ADARB2: variants seen among roughly 807,000 people sequenced by gnomAD.
ADARB2 encodes inactive double-stranded RNA-specific editase B2.
Under a neutral mutation model 62.2 loss-of-function variants are expected in ADARB2, and 25 were observed. The ratio of observed to expected loss-of-function variants is 0.40; its 90% CI spans 0.29 to 0.56. The LOEUF (loss-of-function observed/expected upper bound fraction) is 0.56, where lower values mean the gene tolerates loss of function less well. ADARB2 is among the 20% of genes least tolerant of loss of function. The pLI is 0.43. For synonymous variants in ADARB2, 572 were observed against 500.8 expected (o/e 1.14, Z -1.90); for missense variants, 1,071 against 1,077.4 (o/e 0.99, Z 0.08).
intron 1 of ADARB2, among the ~76,000 whole-genome samples, chr10:1,449,711 C>T (rs931322284): frequency 2.6e-5 from 4 of 152,234 alleles, no homozygotes; most frequent in Admixed American, 2.0e-4. Context: ...CAGTGAGGCT[C>T]ATCCTCAGGG....
intron 1 of ADARB2, among the ~76,000 whole-genome samples, chr10:1,509,285 A>T (rs904355870): frequency 6.6e-6 from 1 of 152,168 alleles, no homozygotes; most frequent in Non-Finnish European, 1.5e-5. Context: ...CGGAGATGAT[A>T]CCATTACCAA....
At chr10:1,609,347 T>C (rs548595583) in intron 1 of ADARB2, among the ~76,000 whole-genome samples, 3 of 152,208 alleles carry the variant, frequency 2.0e-5, no homozygotes, top group Non-Finnish European at 4.4e-5. Context: ...AGCGGGTTTG[T>C]CTCCCTGATT....
rs144081974 is a variant in ADARB2 at position 1,378,255 on chromosome 10, C to G, written c.187+819G>C. On this transcript the variant is annotated intron_variant, in intron 2 of 9. Coordinates refer to ENST00000381312, the MANE Select transcript of ADARB2 (RefSeq NM_018702.4). ...CTTTCCTAAACCAGCCTGGTGCCAT[C>G]CTGAGGACACTGCTTGGCCCCTTTC... 6.4e-3 allele frequency among the ~76,000 whole-genome samples: 974 copies of G among 152,282 alleles called. 7 individuals carry two copies. Among genetic ancestry groups the G allele is most frequent in the Middle Eastern group, 0.031 (9 of 294 alleles).
intron 1 of ADARB2, among the ~76,000 whole-genome samples, chr10:1,465,505 G>A (rs932884483): frequency 2.0e-5 from 3 of 152,164 alleles, no homozygotes; most frequent in Admixed American, 6.5e-5. Flanking sequence ...CTTGGGGACC[G>A]TGACGACCGC....
chr10:1,278,789 C>A (rs1216263178), intron 3 of ADARB2, among the ~76,000 whole-genome samples: 2 of 152,032 alleles, frequency 1.3e-5, no homozygotes, highest in African/African-American at 4.8e-5. Flanking sequence ...ATGTTTTTTC[C>A]TGCATGATTA....
chr10:1,278,106 A>G (rs1031278477), intron 3 of ADARB2, among the ~76,000 whole-genome samples: 1 of 151,936 alleles, frequency 6.6e-6, no homozygotes, highest in African/African-American at 2.4e-5. Context: ...AGTAGCTGGG[A>G]CTACAGGCGC....
At chr10:1,284,958 T>A (rs959231939) in intron 3 of ADARB2, among the ~76,000 whole-genome samples, 1 of 152,088 alleles carries the variant, frequency 6.6e-6, no homozygotes, top group African/African-American at 2.4e-5. Flanking sequence ...GCCATCCAGA[T>A]GCCCCAGCTC....
At chr10:1,421,659 G>T (rs759523299) in intron 1 of ADARB2, among the ~76,000 whole-genome samples, 11 of 152,250 alleles carry the variant, frequency 7.2e-5, no homozygotes, top group Non-Finnish European at 8.8e-5. Context: ...CTCAGATGGG[G>T]CTGCTGTTGT....
intron 1 of ADARB2, among the ~76,000 whole-genome samples, chr10:1,610,783 CAT>C (rs1199071086): frequency 9.9e-5 from 15 of 151,724 alleles, no homozygotes; most frequent in African/African-American, 3.4e-4. Flanking sequence ...CACAGACACA[CAT>C]GTGCACAGGC....
chr10:1,659,230 T>C (rs1834212139), intron 1 of ADARB2, among the ~76,000 whole-genome samples: 1 of 152,226 alleles, frequency 6.6e-6, no homozygotes, highest in Non-Finnish European at 1.5e-5. Context: ...ATAGATTGCC[T>C]ATTGCACTGT....
intron 1 of ADARB2, among the ~76,000 whole-genome samples, chr10:1,573,905 G>T (rs190410416): frequency 6.6e-6 from 1 of 152,186 alleles, no homozygotes; most frequent in Non-Finnish European, 1.5e-5. Context: ...TGGCCGCTGG[G>T]CAGGACACAA....
intron 1 of ADARB2, among the ~76,000 whole-genome samples, chr10:1,465,869 G>A (rs183973897): frequency 1.3e-5 from 2 of 152,212 alleles, no homozygotes; most frequent in Non-Finnish European, 2.9e-5. Context: ...CATCAGCCGC[G>A]CTGACTCGTC....
chr10:1,471,590 T>C (rs1179646379), intron 1 of ADARB2, among the ~76,000 whole-genome samples: 1 of 152,126 alleles, frequency 6.6e-6, no homozygotes, highest in Non-Finnish European at 1.5e-5. Flanking sequence ...ACAGTGTTTC[T>C]CCATGTTGGT....
chr10:1,548,294 G>A (rs1324309170), intron 1 of ADARB2, among the ~76,000 whole-genome samples: 1 of 152,170 alleles, frequency 6.6e-6, no homozygotes, highest in South Asian at 2.1e-4. Context: ...GATTCTCCTT[G>A]TTGTCACCCA....
chr10:1,703,076 C>A (rs1350713290), intron 1 of ADARB2, among the ~76,000 whole-genome samples: 1 of 152,164 alleles, frequency 6.6e-6, no homozygotes, highest in African/African-American at 2.4e-5. Flanking sequence ...TAGCGAGTTG[C>A]ATGGAGAAGC....
intron 2 of ADARB2, among the ~76,000 whole-genome samples, chr10:1,368,195 G>A (rs1832330113): frequency 1.4e-5 from 2 of 146,754 alleles, no homozygotes; most frequent in African/African-American, 4.9e-5. Context: ...ACGTGACCCT[G>A]GGCAAGTCAC....
chr10:1,370,681 CAAG>C (rs1280227501), intron 2 of ADARB2, among the ~76,000 whole-genome samples: 1 of 152,148 alleles, frequency 6.6e-6, no homozygotes, highest in Non-Finnish European at 1.5e-5. Flanking sequence ...AGAAACAAAT[CAAG>C]AACTCAATCC....
chr10:1,608,212 AG>A (rs757851253), intron 1 of ADARB2, among the ~76,000 whole-genome samples: 9 of 152,246 alleles, frequency 5.9e-5, no homozygotes, highest in African/African-American at 1.2e-4. Flanking sequence ...AAGATATTAA[AG>A]GAGGAAAAGG....
intron 1 of ADARB2, among the ~76,000 whole-genome samples, chr10:1,476,652 A>G (rs977347450): frequency 1.3e-5 from 2 of 152,142 alleles, no homozygotes; most frequent in East Asian, 3.9e-4. Context: ...CTTCCATCTG[A>G]CCGCCGTTTC....
Sources: gnomAD v4.1 joint callset for allele counts (sites outside exome capture counted in the v4.1 genomes callset) on GRCh38, gnomAD v4.1.1 for gene constraint, MANE v1.5 for transcripts, NCBI Gene and HGNC (gene_info 2026-07-23, HGNC 2026-07-21) for gene names.